The following DNAH14 variants were observed in gnomAD, a reference collection of about 807,000 sequenced individuals.
The protein encoded by DNAH14 is axonemal beta dynein heavy chain 14.
A neutral mutation model predicts 520.9 loss-of-function variants in DNAH14; 478 were observed. The observed-to-expected ratio is 0.92, with a 90% CI of 0.85 to 0.99. DNAH14 has a LOEUF of 0.99. Ranked by LOEUF, DNAH14 falls within the 50% of genes least tolerant of loss-of-function variation. The probability of loss-of-function intolerance (pLI) is 0.00; values close to 1 mark genes in which losing one functional copy is unlikely to be tolerated. For synonymous variants in DNAH14, 1,581 were observed against 1,757.2 expected (o/e 0.90, Z 2.51); for missense variants, 4,831 against 5,234.5 (o/e 0.92, Z 2.38).
At chr1:225,376,172 A>G (rs1245361423) in intron 78 of DNAH14, among the ~76,000 whole-genome samples, 3 of 152,090 alleles carry the variant, frequency 2.0e-5, no homozygotes, top group African/African-American at 2.4e-5. Context: ...CATGCCTATA[A>G]TCCTAGCACT....
chr1:225,305,767 T>G (rs181546055), intron 58 of DNAH14, among the ~76,000 whole-genome samples: 35 of 152,330 alleles, frequency 2.3e-4, no homozygotes, highest in Admixed American at 1.2e-3. Flanking sequence ...GTGGAACTAT[T>G]CTTCTCCAAG....
In DNAH14 at chr1:225,276,073, T is replaced by G. The variant is rs2093460728; in HGVS notation, c.8170T>G (p.Ser2724Ala). Residue 2724 changes from serine to alanine, a missense_variant, in exon 53 of 86, where the codon TCT becomes GCT. By Grantham distance (99) the Ser-to-Ala change is moderately conservative. Transcript: ENST00000682510. ...ATTCCAAATGAAGTTGGGTTCAATT[T>G]CTTTGGAGGTAAACATATATACTAT... ...DEFQMKLGSISLELSHSMVFF... is the reference protein window; with the variant it reads ...DEFQMKLGSIALELSHSMVFF... 2.9e-6 allele frequency: 1 copy of G among 347,214 alleles called. No individual in the cohort carries two copies. The highest frequency in any genetic ancestry group is 5.7e-6 in the Non-Finnish European group (1 of 174,288). The allele number at this position is 347,214 out of a possible 1,614,324, so 21.5% of individuals were successfully genotyped here.
rs1574645949 is a variant in DNAH14, at chr1:225,305,134, T to C, written c.9005+45T>C. 8 of 1,493,620 alleles carry C rather than the reference T, an allele frequency of 5.4e-6. No individual in the cohort carries two copies. In the East Asian group the frequency reaches 2.1e-4, roughly 39 times the overall value. The allele number at this position is 1,493,620 out of a possible 1,614,324, so 92.5% of individuals were successfully genotyped here. ...TCATAAATATATTTTATATTGGTGTTTTTGTTTGCGAAAAGAGACACAAAT... is the reference window on the plus strand; with the variant it reads ...TCATAAATATATTTTATATTGGTGTCTTTGTTTGCGAAAAGAGACACAAAT... On this transcript the variant is annotated intron_variant, in intron 58 of 85. Transcript: ENST00000682510.
chr1:225,053,844 T>A (rs2068781662), intron 17 of DNAH14, among the ~76,000 whole-genome samples: 1 of 152,166 alleles, frequency 6.6e-6, no homozygotes, highest in Non-Finnish European at 1.5e-5. Context: ...CAAGAAAGTG[T>A]CTACACTGGA....
rs2070440822 is a variant in DNAH14 at position 225,063,441 on chromosome 1, G to A, written c.2424+11646G>A. 2.0e-5 allele frequency among the ~76,000 whole-genome samples: 3 copies of A among 151,882 alleles called. 1 individual carries two copies. Among genetic ancestry groups the A allele is most frequent in the Non-Finnish European group, 4.4e-5 (3 of 67,930 alleles). On this transcript the variant is annotated intron_variant, in intron 17 of 85. Transcript: ENST00000682510. ...TGTTTTTTAAAAACACTTTCCATTT[G>A]TGGTTGGTTGAATCTATGGATGCGA...
At chr1:225,083,395 A>G (rs935551485) in intron 20 of DNAH14, among the ~76,000 whole-genome samples, 1 of 152,148 alleles carries the variant, frequency 6.6e-6, no homozygotes, top group Non-Finnish European at 1.5e-5. Context: ...AAGAATTTAA[A>G]AAGAATTTTT....
chr1:225,183,660 T>C (rs2084317444), intron 36 of DNAH14, among the ~76,000 whole-genome samples: 1 of 137,776 alleles, frequency 7.3e-6, no homozygotes, highest in Admixed American at 7.3e-5. Context: ...ACAAACAAGA[T>C]CAATAGACCA....
At chr1:225,226,149 A>G (rs1267714064) in intron 41 of DNAH14, among the ~76,000 whole-genome samples, 1 of 152,140 alleles carries the variant, frequency 6.6e-6, no homozygotes, top group Non-Finnish European at 1.5e-5. Context: ...TATCTCTTAG[A>G]TCTGCCTTTC....
chr1:225,156,456 A>T (rs2081049650), intron 34 of DNAH14, among the ~76,000 whole-genome samples: 1 of 152,054 alleles, frequency 6.6e-6, no homozygotes, highest in Non-Finnish European at 1.5e-5. Context: ...CTGGCTTACG[A>T]CCACAGCACT....
chr1:225,120,826 ATTG>A (rs770753445), intron 26 of DNAH14, among the ~76,000 whole-genome samples: 3 of 152,216 alleles, frequency 2.0e-5, no homozygotes, highest in Non-Finnish European at 4.4e-5. Context: ...CAGTTTTTCA[ATTG>A]TTGTCCTGGG....
At chr1:225,372,282 T>A (rs77354329) in intron 77 of DNAH14, among the ~76,000 whole-genome samples, 1,542 of 152,148 alleles carry the variant, frequency 0.01, 25 homozygotes, top group African/African-American at 0.035. Flanking sequence ...GCTAGGAATG[T>A]ACAAAAAAGA....
At chr1:225,335,925 AT>A (rs1252383492) in intron 66 of DNAH14, among the ~76,000 whole-genome samples, 16 of 134,934 alleles carry the variant, frequency 1.2e-4, no homozygotes, top group African/African-American at 4.3e-4. Flanking sequence ...ATATATGCAC[AT>A]ATACCTATAT....
In DNAH14 at chr1:225,351,741, T is replaced by G; in HGVS notation, c.11391T>G (p.Phe3797Leu). ...ATGTCAGCACTCACCTGGAACCATT[T>G]TCACTTCTGTGCAAATCCCTTTTAT... is the stretch of plus-strand genomic sequence containing the variant. ...CQYVSTHLEPFSLLCKSLLSN... is the reference protein window; with the variant it reads ...CQYVSTHLEPLSLLCKSLLSN... The change falls in exon 72 of 86, where the codon TTT (phenylalanine) becomes TTG (leucine). Residue 3797 changes from phenylalanine (F) to leucine (L), a missense_variant. Physicochemically the swap from Phe to Leu is conservative, Grantham distance 22. Coordinates refer to ENST00000682510, the MANE Select transcript of DNAH14 (RefSeq NM_001367479.1). The G allele has an allele frequency of 6.4e-7, 1 of 1,551,372 alleles. No individual in the cohort carries two copies. Among genetic ancestry groups the G allele is most frequent in the Admixed American group, 2.0e-5 (1 of 50,984 alleles).
Position 225,192,677 on chromosome 1 carries a change from T to A in DNAH14, c.5671-19T>A. 1 of 1,515,646 alleles carries A rather than the reference T, an allele frequency of 6.6e-7. No individual in the cohort carries two copies. Among genetic ancestry groups the A allele is most frequent in the Non-Finnish European group, 9.0e-7 (1 of 1,117,130 alleles). The allele number at this position is 1,515,646 out of a possible 1,614,324, so 93.9% of individuals were successfully genotyped here. A position where few individuals can be genotyped will look rare whatever the true frequency, so the allele number is the denominator to read the frequency against. Reference sequence around the variant, plus strand: ...GTCTATAGTTAATGTCTTTAAAAACTACACTGGATTTTTCCCAGATTTCAG... The same window carrying A: ...GTCTATAGTTAATGTCTTTAAAAACAACACTGGATTTTTCCCAGATTTCAG... On this transcript the variant is annotated intron_variant, in intron 37 of 85. Coordinates refer to ENST00000682510, the MANE Select transcript of DNAH14 (RefSeq NM_001367479.1).
chr1:225,269,075 AC>A (rs1187928698), intron 49 of DNAH14, among the ~76,000 whole-genome samples: 2 of 152,232 alleles, frequency 1.3e-5, no homozygotes, highest in Admixed American at 6.5e-5. Flanking sequence ...CTGACTTCAA[AC>A]TATACTACAA....
intron 49 of DNAH14, among the ~76,000 whole-genome samples, chr1:225,270,374 T>G (rs1456666787): frequency 6.6e-6 from 1 of 151,186 alleles, no homozygotes; most frequent in Non-Finnish European, 1.5e-5. Context: ...CTAATGTAAA[T>G]GACGAGTTAA....
At chr1:225,247,973 C>G (rs1046497204) in intron 43 of DNAH14, among the ~76,000 whole-genome samples, 1 of 152,038 alleles carries the variant, frequency 6.6e-6, no homozygotes, top group Non-Finnish European at 1.5e-5. Context: ...GAGCCGAGAT[C>G]GCGCCACTGC....
chr1:225,271,843 T>C (rs981775782), intron 50 of DNAH14, 63 bp from the exon 51 acceptor site: 5 of 1,318,710 alleles, frequency 3.8e-6, no homozygotes, highest in Non-Finnish European at 5.1e-6. Flanking sequence ...TAGTGGAAGG[T>C]AGCCAGAAGT....
chr1:225,053,382 A>C (rs973295197), intron 17 of DNAH14, among the ~76,000 whole-genome samples: 7 of 152,318 alleles, frequency 4.6e-5, no homozygotes, highest in South Asian at 4.1e-4. Context: ...TAAGAAATGG[A>C]GAAAAGGGCC....
Sources: allele counts gnomAD v4.1 joint callset (sites outside exome capture counted in the v4.1 genomes callset), GRCh38; gene constraint gnomAD v4.1.1; transcripts MANE v1.5; gene names NCBI Gene and HGNC (gene_info 2026-07-23, HGNC 2026-07-21).